SNAP91: variants seen among roughly 807,000 people sequenced by gnomAD.
SNAP91 encodes clathrin coat assembly protein AP180.
Under a neutral mutation model 100.3 loss-of-function variants are expected in SNAP91, and 27 were observed. The ratio of observed to expected loss-of-function variants is 0.27; its 90% CI spans 0.20 to 0.37. SNAP91 has a LOEUF of 0.37. Among genes scored for constraint, SNAP91 ranks in the 10% least tolerant of loss-of-function variants. The pLI, the probability that SNAP91 is intolerant of heterozygous loss-of-function variation, is 1.00. For synonymous variants in SNAP91, 404 were observed against 398.6 expected (o/e 1.01, Z -0.16); for missense variants, 986 against 1,123.7 (o/e 0.88, Z 1.75).
chr6:83,658,611 A>T (rs2128717866), intron 6 of SNAP91, among the ~76,000 whole-genome samples: 1 of 152,320 alleles, frequency 6.6e-6, no homozygotes, highest in East Asian at 1.9e-4. Context: ...GTCTCAAAAA[A>T]ATAAATAAAT....
At chr6:83,564,439 G>A (rs963749362) in intron 26 of SNAP91, among the ~76,000 whole-genome samples, 5 of 151,418 alleles carry the variant, frequency 3.3e-5, no homozygotes, top group Non-Finnish European at 7.4e-5. Flanking sequence ...CCTGGCTCAA[G>A]TGATTCTCTA....
At chr6:83,607,329 T>TTGTGTGTGTGTGGGTGTG (rs2095685954) in intron 13 of SNAP91, among the ~76,000 whole-genome samples, 1 of 144,792 alleles carries the variant, frequency 6.9e-6, no homozygotes, top group Admixed American at 6.9e-5. Flanking sequence ...CCAAGTTGGG[T>TTGTGTGTGTGTGGGTGTG]TGTGTGTGTG....
At chr6:83,595,994 C>T (rs2094433297) in intron 16 of SNAP91, among the ~76,000 whole-genome samples, 1 of 152,192 alleles carries the variant, frequency 6.6e-6, no homozygotes, top group African/African-American at 2.4e-5. Context: ...ATCAGTTATT[C>T]ATATCTTATG....
intron 8 of SNAP91, among the ~76,000 whole-genome samples, chr6:83,631,755 AGCAGGTAG>A (rs2097213119): frequency 2.0e-5 from 3 of 152,114 alleles, no homozygotes; most frequent in Non-Finnish European, 4.4e-5. Flanking sequence ...TCTCGAAGGC[AGCAGGTAG>A]TTGGCTGGTG....
At chr6:83,573,319 A>G (rs976751757) in intron 26 of SNAP91, among the ~76,000 whole-genome samples, 2 of 152,238 alleles carry the variant, frequency 1.3e-5, no homozygotes, top group Admixed American at 6.5e-5. Context: ...AACAAATGGA[A>G]GAACATTCCA....
At chr6:83,564,740 A>G (rs1468797287) in intron 26 of SNAP91, among the ~76,000 whole-genome samples, 1 of 152,084 alleles carries the variant, frequency 6.6e-6, no homozygotes, top group Non-Finnish European at 1.5e-5. Context: ...GACCCCTATC[A>G]TATTAAAAAA....
chr6:83,642,696 T>C (rs1369984093), intron 7 of SNAP91, among the ~76,000 whole-genome samples: 1 of 152,184 alleles, frequency 6.6e-6, no homozygotes, highest in Non-Finnish European at 1.5e-5. Flanking sequence ...ATCCTTTGGG[T>C]ATATACCCAG....
intron 26 of SNAP91, among the ~76,000 whole-genome samples, chr6:83,573,938 C>T (rs938685579): frequency 2.0e-5 from 3 of 152,122 alleles, no homozygotes; most frequent in Non-Finnish European, 4.4e-5. Flanking sequence ...CAACAGAAGC[C>T]AAAATTGACC....
At chr6:83,702,909 G>T (rs2129056146) in intron 2 of SNAP91, among the ~76,000 whole-genome samples, 1 of 152,180 alleles carries the variant, frequency 6.6e-6, no homozygotes, top group Admixed American at 6.5e-5. Context: ...TTGTCACTCT[G>T]CTTCCCCTGC....
At chr6:83,686,456 T>C (rs2099061911) in intron 2 of SNAP91, among the ~76,000 whole-genome samples, 1 of 152,212 alleles carries the variant, frequency 6.6e-6, no homozygotes, top group South Asian at 2.1e-4. Flanking sequence ...AGGAAGAGTC[T>C]CTTTTGTTCA....
chr6:83,620,985 G>A (rs904643309), intron 9 of SNAP91, among the ~76,000 whole-genome samples: 2 of 151,872 alleles, frequency 1.3e-5, no homozygotes, highest in African/African-American at 4.8e-5. Flanking sequence ...TTACAGGCGT[G>A]AGCCACCGCG....
At chr6:83,652,450 C>T (rs2098247861) in intron 7 of SNAP91, among the ~76,000 whole-genome samples, 3 of 152,096 alleles carry the variant, frequency 2.0e-5, no homozygotes. Flanking sequence ...TCAAATAACA[C>T]CATAATGCTT....
At chr6:83,569,092 T>C (rs1801974629) in intron 26 of SNAP91, among the ~76,000 whole-genome samples, 1 of 152,152 alleles carries the variant, frequency 6.6e-6, no homozygotes, top group Non-Finnish European at 1.5e-5. Flanking sequence ...ATGGAGTATC[T>C]ATATAAAAGA....
intron 13 of SNAP91, among the ~76,000 whole-genome samples, chr6:83,606,402 A>G (rs1176488384): frequency 6.6e-6 from 1 of 151,710 alleles, no homozygotes; most frequent in Admixed American, 6.6e-5. Flanking sequence ...TACTCAGTTG[A>G]GGCTGTGCTT....
At chr6:83,555,456 C>T (rs947096808) in intron 29 of SNAP91, among the ~76,000 whole-genome samples, 1 of 152,156 alleles carries the variant, frequency 6.6e-6, no homozygotes, top group African/African-American at 2.4e-5. Flanking sequence ...TAGTTTATCT[C>T]ACATGACTGT....
chr6:83,686,324 T>C, intron 2 of SNAP91: 1 of 260,842 alleles, frequency 3.8e-6, no homozygotes, highest in African/African-American at 2.3e-5. Flanking sequence ...AATAAGCTGA[T>C]AATATTTATA....
rs200962227 is a variant in SNAP91, at chr6:83,591,193, C to T, written c.2014+18G>A. 4.0e-5 allele frequency: 61 copies of T among 1,508,922 alleles called. No individual in the cohort carries two copies. The African/African-American group carries it at 6.3e-4, about 16-fold the overall frequency. 93.5% of individuals were successfully genotyped at this position (1,508,922 alleles called of 1,614,324 possible). A position where few individuals can be genotyped will look rare whatever the true frequency, so the allele number is the denominator to read the frequency against. ...ATCCAAATTTAACTTCTACAAAATA[C>T]CATTTTAATTTAATTACCAGCTAGT... On this transcript the variant is annotated intron_variant, in intron 22 of 29. Transcript: ENST00000369694.
chr6:83,693,449 AT>A (rs1437643971), intron 2 of SNAP91, among the ~76,000 whole-genome samples: 1 of 152,338 alleles, frequency 6.6e-6, no homozygotes, highest in Admixed American at 6.5e-5. Flanking sequence ...AAACAATTGA[AT>A]AAAAAATTAT....
intron 2 of SNAP91, among the ~76,000 whole-genome samples, chr6:83,699,811 C>G (rs1206226607): frequency 6.6e-6 from 1 of 152,146 alleles, no homozygotes; most frequent in Admixed American, 6.5e-5. Flanking sequence ...TACCTAAAGA[C>G]AGGTAGACAG....
Sources: allele counts gnomAD v4.1 joint callset (sites outside exome capture counted in the v4.1 genomes callset), GRCh38; gene constraint gnomAD v4.1.1; transcripts MANE v1.5; gene names NCBI Gene and HGNC (gene_info 2026-07-23, HGNC 2026-07-21).